The following CLCC1 variants were observed in gnomAD, a reference collection of about 807,000 sequenced individuals.
The protein encoded by CLCC1 is chloride channel CLIC-like protein 1.
In CLCC1, 39 loss-of-function variants were observed where a neutral mutation model predicts 63.3. The ratio of observed to expected loss-of-function variants is 0.62; its 90% CI spans 0.48 to 0.81. CLCC1 has a LOEUF of 0.81. Among genes scored for constraint, CLCC1 ranks in the 30% least tolerant of loss-of-function variants. The pLI is 0.00. For missense variants in CLCC1, 549 were observed against 669.4 expected (o/e 0.82, Z 1.98); for synonymous variants, 217 against 239.8 (o/e 0.90, Z 0.88).
chr1:108,936,573 A>T (rs186336899), intron 11 of CLCC1, among the ~76,000 whole-genome samples: 106 of 152,342 alleles, frequency 7.0e-4, no homozygotes, highest in African/African-American at 2.4e-3. Context: ...TGTCCCTTTA[A>T]AAGACTGATA....
chr1:108,961,336 TCTC>T (rs1300068212), intron 2 of CLCC1, among the ~76,000 whole-genome samples: 1 of 148,564 alleles, frequency 6.7e-6, no homozygotes, highest in East Asian at 2.0e-4. Flanking sequence ...AGGTCTGAGA[TCTC>T]CACTTCTAAC....
At chr1:108,952,027 C>T (rs1442102901) in intron 2 of CLCC1, among the ~76,000 whole-genome samples, 1 of 152,160 alleles carries the variant, frequency 6.6e-6, no homozygotes, top group Non-Finnish European at 1.5e-5. Context: ...ATCCTCCCAC[C>T]TCGGCCTCCC....
intron 5 of CLCC1, among the ~76,000 whole-genome samples, chr1:108,947,070 G>GCCT (rs1477071481): frequency 6.6e-6 from 1 of 152,002 alleles, no homozygotes; most frequent in Non-Finnish European, 1.5e-5. Flanking sequence ...GGCTGAGTCA[G>GCCT]GGAGAATTGC....
chr1:108,943,495 T>G lies in CLCC1; in HGVS notation c.682A>C (p.Asn228His). Residue 228 changes from asparagine (N) to histidine (H), a missense_variant, in exon 7 of 13, where the codon AAT becomes CAT. By Grantham distance (68) the Asn-to-His change is moderately conservative (BLOSUM62 1). Coordinates refer to ENST00000369969, the MANE Select transcript of CLCC1 (RefSeq NM_001377458.1). The part of the protein sequence containing the change: ...IISFLFSLGW[N>H]WMYLYKLAFA... Reference sequence around the variant, plus strand: ...AATACCTTATATAAATACATCCAATTCCATCCCAAACTGAACAGAAAGCTG... The same window carrying G: ...AATACCTTATATAAATACATCCAATGCCATCCCAAACTGAACAGAAAGCTG... The G allele has an allele frequency of 6.2e-7, 1 of 1,613,942 alleles. No individual in the cohort carries two copies. The highest frequency in any genetic ancestry group is 1.7e-5 in the Admixed American group (1 of 59,984).
rs1178690699 is a variant in CLCC1 at position 108,943,897 on chromosome 1, A to G, written c.500T>C (p.Phe167Ser). 4 of 1,613,882 alleles carry G rather than the reference A, an allele frequency of 2.5e-6. No individual in the cohort carries two copies. Among genetic ancestry groups the G allele is most frequent in the Non-Finnish European group, 3.4e-6 (4 of 1,179,808 alleles). The change falls in exon 6 of 13, where the codon TTT (phenylalanine) becomes TCT (serine). Residue 167 changes from phenylalanine to serine, a missense_variant. Physicochemically the swap from Phe to Ser is radical, Grantham distance 155. Coordinates refer to ENST00000369969, the MANE Select transcript of CLCC1 (RefSeq NM_001377458.1). The stretch of plus-strand genomic sequence containing the variant: ...TTCGAATCGCCACTTCCATGTTTCA[A>G]AATCATGAAACTTAAAATTAATTAA... ...DILINFKFHDFETWKWRFEDS... is the reference protein window; with the variant it reads ...DILINFKFHDSETWKWRFEDS...
intron 2 of CLCC1, among the ~76,000 whole-genome samples, chr1:108,961,900 GCACTGT>G (rs1206877100): frequency 6.6e-6 from 1 of 151,950 alleles, no homozygotes; most frequent in Non-Finnish European, 1.5e-5. Flanking sequence ...TATGTGCTAA[GCACTGT>G]TACATTAATT....
chr1:108,955,262 T>C (rs1053201477), intron 2 of CLCC1, among the ~76,000 whole-genome samples: 5 of 151,282 alleles, frequency 3.3e-5, no homozygotes, highest in Non-Finnish European at 5.9e-5. Context: ...AACAAAAACA[T>C]GTAACTCAAG....
chr1:108,951,654 G>A (rs1424615796), intron 2 of CLCC1, among the ~76,000 whole-genome samples: 1 of 142,532 alleles, frequency 7.0e-6, no homozygotes, highest in Non-Finnish European at 1.5e-5. Flanking sequence ...AGGTTTGGGA[G>A]TATAGTAGCT....
chr1:108,943,397 T>C, intron 7 of CLCC1, 78 bp downstream of exon 7: 7 of 1,457,934 alleles, frequency 4.8e-6, no homozygotes, highest in South Asian at 1.2e-5. Flanking sequence ...CAAGGCAAGA[T>C]TGCTCTCAAT....
chr1:108,943,804 A>T (rs1486996779), intron 6 of CLCC1, 32 bp downstream of exon 6: 1 of 1,532,996 alleles, frequency 6.5e-7, no homozygotes. Flanking sequence ...AGGAAACTTA[A>T]TGACGTTGCC....
In CLCC1 at chr1:108,929,774, A is replaced by G. The variant is rs1460344143; in HGVS notation, c.*2773T>C. 3.7e-6 allele frequency: 6 copies of G among 1,613,646 alleles called. No individual in the cohort carries two copies. The African/African-American group carries it at 6.7e-5, about 18-fold the overall frequency. On this transcript the variant is annotated 3_prime_UTR_variant, in exon 13 of 13. Coordinates refer to ENST00000369969, the MANE Select transcript of CLCC1 (RefSeq NM_001377458.1). The stretch of plus-strand genomic sequence containing the variant: ...AAGGGTCCGACAGTACCAGATGAAG[A>G]CTTTTTCAGCCTTATTTTACGGTCC...
chr1:108,954,010 C>CAAA (rs11463360), intron 2 of CLCC1, among the ~76,000 whole-genome samples: 52 of 97,952 alleles, frequency 5.3e-4, no homozygotes, highest in Non-Finnish European at 7.0e-4. Flanking sequence ...AACTCCGTCT[C>CAAA]AAAAAAAAAA....
At chr1:108,934,567 C>T in intron 12 of CLCC1, 58 bp downstream of exon 12, 1 of 1,388,768 alleles carries the variant, frequency 7.2e-7, no homozygotes, top group South Asian at 1.4e-5. Flanking sequence ...AAGTTGGCAC[C>T]TTTGTAGTAA....
intron 2 of CLCC1, among the ~76,000 whole-genome samples, chr1:108,958,142 C>T (rs180822256): frequency 1.6e-4 from 24 of 151,446 alleles, no homozygotes; most frequent in Admixed American, 3.3e-4. Context: ...GAAAGCCTAC[C>T]GGGAATGGTT....
In CLCC1 at chr1:108,947,168, A is replaced by G. The variant is rs185910806; in HGVS notation, c.339+443T>C. 1.1e-4 allele frequency among the ~76,000 whole-genome samples: 16 copies of G among 152,334 alleles called. No individual in the cohort carries two copies. In the East Asian group the frequency reaches 3.1e-3, roughly 29 times the overall value. On this transcript the variant is annotated intron_variant, in intron 5 of 12. Coordinates refer to ENST00000369969, the MANE Select transcript of CLCC1 (RefSeq NM_001377458.1). ...AACAGAGCGAGACTCTGTCTCAAAA[A>G]AAAAAGGAAATTTTAACAATAATTA...
intron 12 of CLCC1, 132 bp from the exon 13 acceptor site, chr1:108,932,633 C>G (rs1266559663): frequency 6.6e-6 from 1 of 152,336 alleles, no homozygotes; most frequent in East Asian, 1.9e-4. Context: ...GCATTCACTA[C>G]TTTTCAGAGT....
intron 10 of CLCC1, among the ~76,000 whole-genome samples, chr1:108,938,741 C>G (rs928422993): frequency 2.0e-5 from 3 of 152,184 alleles, no homozygotes; most frequent in African/African-American, 7.2e-5. Flanking sequence ...AATGCTCTAC[C>G]CTTCTCACTG....
At position 108,962,294 on chromosome 1, in the gene CLCC1, A is replaced by T. The variant is rs1422308042; in HGVS notation, c.-12+15T>A. 6.6e-6 allele frequency: 1 copy of T among 152,222 alleles called. No individual in the cohort carries two copies. The highest frequency in any genetic ancestry group is 1.5e-5 in the Non-Finnish European group (1 of 68,044). The allele number at this position is 152,222 out of a possible 1,614,324, so 9.4% of individuals were successfully genotyped here. A position where few individuals can be genotyped will look rare whatever the true frequency, so the allele number is the denominator to read the frequency against. On this transcript the variant is annotated intron_variant, in intron 2 of 12. Transcript: ENST00000369969. ...TCAACGAAAGCACATGAGTAATGGG[A>T]AAGGCAAGACTAACCTGGATTAGTA...
rs776873357 is a variant in CLCC1 at position 108,937,215 on chromosome 1, C to T, written c.1245G>A (p.Thr415=). The T allele has an allele frequency of 3.2e-5, 52 of 1,612,338 alleles. No homozygotes were observed. The highest frequency in any genetic ancestry group is 4.2e-5 in the Non-Finnish European group (49 of 1,179,458). ...TCAAAATCTCTCTTCTACCCTCATACGTTTTGGCATAAGGGCCTTGCTCAG... is the reference window on the plus strand; with the variant it reads ...TCAAAATCTCTCTTCTACCCTCATATGTTTTGGCATAAGGGCCTTGCTCAG... ...GPTEQGPYAK[T]YEGRREILRE... Residue 415 remains threonine (T), a synonymous_variant, in exon 11 of 13, where the codon ACG becomes ACA. Transcript: ENST00000369969.
Sources: gnomAD v4.1 joint callset for allele counts (sites outside exome capture counted in the v4.1 genomes callset) on GRCh38, gnomAD v4.1.1 for gene constraint, MANE v1.5 for transcripts, NCBI Gene and HGNC (gene_info 2026-07-23, HGNC 2026-07-21) for gene names.